Variants in LRRC8A observed in about 807,000 individuals in gnomAD.
LRRC8A encodes leucine rich repeat containing 8 VRAC subunit A.
A neutral mutation model predicts 52.5 loss-of-function variants in LRRC8A; 24 were observed. The observed-to-expected ratio is 0.46, with a 90% CI of 0.33 to 0.64. LRRC8A has a LOEUF of 0.64. LRRC8A is among the 30% of genes least tolerant of loss of function. LRRC8A has a pLI of 0.02. For missense variants in LRRC8A, 677 were observed against 1,094.7 expected (o/e 0.62, Z 5.38); for synonymous variants, 492 against 494.2 (o/e 1.00, Z 0.06).
chr9:128,904,721 A>G (rs941866639), intron 2 of LRRC8A, among the ~76,000 whole-genome samples: 7 of 151,930 alleles, frequency 4.6e-5, no homozygotes, highest in Admixed American at 4.6e-4. Context: ...TGGGCCAGGT[A>G]TGGTGGTTCA....
chr9:128,896,561 C>T (rs944759043), intron 2 of LRRC8A, among the ~76,000 whole-genome samples: 1 of 152,158 alleles, frequency 6.6e-6, no homozygotes, highest in Non-Finnish European at 1.5e-5. Context: ...TGATTACTAG[C>T]AAGGCTAAGA....
At chr9:128,905,362 C>A (rs945886909) in intron 2 of LRRC8A, among the ~76,000 whole-genome samples, 8 of 152,146 alleles carry the variant, frequency 5.3e-5, no homozygotes, top group Non-Finnish European at 1.2e-4. Context: ...TCCGTGACAG[C>A]CATACGTCTT....
At chr9:128,882,353 G>C (rs2130904972) in intron 1 of LRRC8A, 103 bp downstream of exon 1, 1 of 195,854 alleles carries the variant, frequency 5.1e-6, no homozygotes, top group Non-Finnish European at 1.0e-5. Flanking sequence ...CGGGGCATCT[G>C]GGGCTCTGTC....
intron 1 of LRRC8A, chr9:128,882,523 T>A (rs1296450344): frequency 2.5e-6 from 1 of 394,230 alleles, no homozygotes; most frequent in African/African-American, 2.1e-5. Flanking sequence ...ACCAGGAGTT[T>A]CCGCCTCGGC....
intron 1 of LRRC8A, chr9:128,882,578 A>C (rs1839114710): frequency 1.0e-5 from 4 of 390,624 alleles, no homozygotes; most frequent in African/African-American, 6.5e-5. Context: ...CCAGATCCTC[A>C]CCCCTCCACA....
chr9:128,915,426 G>A (rs1004592726), intron 3 of LRRC8A, among the ~76,000 whole-genome samples: 67 of 152,194 alleles, frequency 4.4e-4, no homozygotes, highest in African/African-American at 1.6e-3. Flanking sequence ...CCGGGTTCAC[G>A]CCATTCTCCT....
In LRRC8A at chr9:128,908,084, C is replaced by G. The variant is rs1354571672; in HGVS notation, c.920C>G (p.Thr307Ser). The G allele has an allele frequency of 6.2e-7, 1 of 1,613,890 alleles. No individual in the cohort carries two copies. Among genetic ancestry groups the G allele is most frequent in the Non-Finnish European group, 8.5e-7 (1 of 1,180,028 alleles). The change falls in exon 3 of 4, where the codon ACC (threonine) becomes AGC (serine). Residue 307 changes from threonine to serine, a missense_variant. Coordinates refer to ENST00000372600, the MANE Select transcript of LRRC8A (RefSeq NM_019594.4). ...ATTGAGAGCCTGACGGGCTACCGCACCTACCGCTGTGCCCACCCCCTGGCC... is the reference window on the plus strand; with the variant it reads ...ATTGAGAGCCTGACGGGCTACCGCAGCTACCGCTGTGCCCACCCCCTGGCC... ...VDIESLTGYR[T>S]YRCAHPLATL... is the part of the protein sequence containing the mutation.
chr9:128,911,858 C>T lies in LRRC8A; in HGVS notation c.2157+2537C>T, dbSNP rs1468978126. 1.3e-5 allele frequency among the ~76,000 whole-genome samples: 2 copies of T among 152,248 alleles called. No homozygotes were observed. Among genetic ancestry groups the T allele is most frequent in the Non-Finnish European group, 2.9e-5 (2 of 68,042 alleles). ...GAAAACAGTTCACTTGGGCCAACCCCAGGCAGGCCCCTCATTCTGAGTGGG... is the reference window on the plus strand; with the variant it reads ...GAAAACAGTTCACTTGGGCCAACCCTAGGCAGGCCCCTCATTCTGAGTGGG... On this transcript the variant is annotated intron_variant, in intron 3 of 3. Transcript: ENST00000372600. This position sits in a 1 kb window ranked among gnomAD's most constrained non-coding sequence, Gnocchi z 4.9.
At chr9:128,883,844 C>T (rs1005402358) in intron 1 of LRRC8A, among the ~76,000 whole-genome samples, 3 of 152,056 alleles carry the variant, frequency 2.0e-5, no homozygotes, top group Admixed American at 6.6e-5. Context: ...CATGGGGCTG[C>T]GCACCCGTAA....
intron 2 of LRRC8A, among the ~76,000 whole-genome samples, chr9:128,901,585 A>AC: frequency 6.6e-6 from 1 of 152,128 alleles, no homozygotes; most frequent in Non-Finnish European, 1.5e-5. Context: ...ACATAGCAAG[A>AC]CCCCGTCCCA....
At chr9:128,897,001 G>C (rs1041930201) in intron 2 of LRRC8A, among the ~76,000 whole-genome samples, 3 of 152,164 alleles carry the variant, frequency 2.0e-5, no homozygotes, top group African/African-American at 7.2e-5. Flanking sequence ...TGGGATTACA[G>C]GCGTGAGCAG....
rs1303600335 is a variant in LRRC8A at position 128,911,561 on chromosome 9, C to T, written c.2157+2240C>T. The stretch of plus-strand genomic sequence containing the variant: ...GACTTCCTCACAGCTCCTGCCATTC[C>T]TGCCCTGTCCCGGGTGCTGTGCTGG... On this transcript the variant is annotated intron_variant, in intron 3 of 3. Transcript: ENST00000372600. The surrounding 1 kb of genome is among the most constrained non-coding windows in gnomAD (Gnocchi z 4.9). Among the ~76,000 whole-genome samples the T allele has an allele frequency of 6.6e-6, 1 of 152,160 alleles. No individual in the cohort carries two copies. The highest frequency in any genetic ancestry group is 2.4e-5 in the African/African-American group (1 of 41,424).
chr9:128,917,271 G>C lies in LRRC8A; in HGVS notation c.*900G>C, dbSNP rs895639075. 2.4e-4 allele frequency: 37 copies of C among 152,572 alleles called. No individual in the cohort carries two copies. In the Admixed American group the frequency reaches 2.4e-3, roughly 10 times the overall value. 9.5% of individuals were successfully genotyped at this position (152,572 alleles called of 1,614,324 possible). A position where few individuals can be genotyped will look rare whatever the true frequency, so the allele number is the denominator to read the frequency against. On this transcript the variant is annotated 3_prime_UTR_variant, in exon 4 of 4. Coordinates refer to ENST00000372600, the MANE Select transcript of LRRC8A (RefSeq NM_019594.4). The stretch of plus-strand genomic sequence containing the variant: ...CGGATCTGGTGTGACCTTGGTCCAG[G>C]AGTTCTATTTGTTCCTGGGGAGGGA...
chr9:128,904,402 C>T (rs981460410), intron 2 of LRRC8A, among the ~76,000 whole-genome samples: 3 of 144,342 alleles, frequency 2.1e-5, no homozygotes, highest in African/African-American at 4.9e-5. Flanking sequence ...GCCTGTAATC[C>T]AGCTGCTTGG....
intron 2 of LRRC8A, among the ~76,000 whole-genome samples, chr9:128,904,375 T>C (rs1385087527): frequency 6.6e-6 from 1 of 151,846 alleles, no homozygotes; most frequent in Non-Finnish European, 1.5e-5. Context: ...AAAAATTAGC[T>C]GGGCGTGGTA....
intron 2 of LRRC8A, among the ~76,000 whole-genome samples, chr9:128,900,188 T>G (rs1239311684): frequency 2.0e-5 from 3 of 152,186 alleles, no homozygotes; most frequent in Non-Finnish European, 4.4e-5. Flanking sequence ...CACATCCACC[T>G]GAAACTGCTG....
In LRRC8A at chr9:128,892,275, A is replaced by G. The variant is rs1839654646; in HGVS notation, c.-9+6154A>G. 6.6e-6 allele frequency among the ~76,000 whole-genome samples: 1 copy of G among 152,184 alleles called. No homozygotes were observed. The highest frequency in any genetic ancestry group is 2.4e-5 in the African/African-American group (1 of 41,452). ...TGCCCCAGCCTGGCAGGGCGAGGGC[A>G]GGTCCTGAGGCTGCACCTCCAGCCC... is the stretch of plus-strand genomic sequence containing the variant. On this transcript the variant is annotated intron_variant, in intron 2 of 3. Transcript: ENST00000372600. The surrounding 1 kb of genome is among the most constrained non-coding windows in gnomAD (Gnocchi z 5.2).
intron 2 of LRRC8A, among the ~76,000 whole-genome samples, chr9:128,886,366 C>T (rs1029718389): frequency 3.3e-5 from 5 of 152,196 alleles, no homozygotes; most frequent in African/African-American, 1.2e-4. Flanking sequence ...TTCTCCTTCA[C>T]CCCAGATCTT....
Position 128,892,813 on chromosome 9 carries a change from G to A in LRRC8A, c.-9+6692G>A, listed in dbSNP as rs1005308855. Among the ~76,000 whole-genome samples the A allele has an allele frequency of 3.3e-5, 5 of 152,144 alleles. No individual in the cohort carries two copies. Among genetic ancestry groups the A allele is most frequent in the Non-Finnish European group, 5.9e-5 (4 of 68,024 alleles). ...CCTTCGCGCTCCCTGGGAGAGCACTGGAGGGCCAGCCTTCCCATCTCTGGT... is the reference window on the plus strand; with the variant it reads ...CCTTCGCGCTCCCTGGGAGAGCACTAGAGGGCCAGCCTTCCCATCTCTGGT... On this transcript the variant is annotated intron_variant, in intron 2 of 3. Transcript: ENST00000372600. The surrounding 1 kb of genome is among the most constrained non-coding windows in gnomAD (Gnocchi z 5.2).
Sources: gnomAD v4.1 joint callset for allele counts (sites outside exome capture counted in the v4.1 genomes callset) on GRCh38, gnomAD v4.1.1 for gene constraint, Gnocchi (gnomAD v3.1) non-coding constraint, MANE v1.5 for transcripts, NCBI Gene and HGNC (gene_info 2026-07-23, HGNC 2026-07-21) for gene names.